The following TBCEL variants were observed in gnomAD, a reference collection of about 807,000 sequenced individuals.
TBCEL encodes tubulin-specific chaperone cofactor E-like protein.
In TBCEL, 15 loss-of-function variants were observed where a neutral mutation model predicts 44.2. That is an observed-to-expected ratio of 0.34 (90% confidence interval 0.23 to 0.52). The LOEUF is 0.52. Among genes scored for constraint, TBCEL ranks in the 20% least tolerant of loss-of-function variants. The pLI, the probability that TBCEL is intolerant of heterozygous loss-of-function variation, is 0.95. For synonymous variants in TBCEL, 171 were observed against 185.4 expected, an observed-to-expected ratio of 0.92 and a Z score of 0.63; for missense variants, 319 against 506.3, an observed-to-expected ratio of 0.63 and a Z score of 3.55.
intron 4 of TBCEL, among the ~76,000 whole-genome samples, chr11:121,051,260 A>G (rs935064476): frequency 7.9e-5 from 12 of 151,790 alleles, no homozygotes; most frequent in African/African-American, 2.9e-4. Flanking sequence ...TATATCTGCT[A>G]GCCTTGGGAA....
chr11:121,055,858 C>T (rs1945610404), intron 6 of TBCEL, among the ~76,000 whole-genome samples: 1 of 151,546 alleles, frequency 6.6e-6, no homozygotes, highest in Non-Finnish European at 1.5e-5. Context: ...TTTTCATATA[C>T]CCCTTGTTCC....
chr11:121,069,769 G>T (rs1945890756), intron 8 of TBCEL, among the ~76,000 whole-genome samples: 1 of 152,018 alleles, frequency 6.6e-6, no homozygotes. Context: ...TCCAGCCTGG[G>T]CGACAAAGCT....
At chr11:121,074,918 A>T (rs1434635484) in intron 8 of TBCEL, among the ~76,000 whole-genome samples, 1 of 151,924 alleles carries the variant, frequency 6.6e-6, no homozygotes, top group Non-Finnish European at 1.5e-5. Flanking sequence ...TGTACCCTTC[A>T]CCTAGTTTCC....
chr11:121,084,622 T>G (rs1194566550), intron 8 of TBCEL, among the ~76,000 whole-genome samples: 2 of 152,184 alleles, frequency 1.3e-5, no homozygotes, highest in Non-Finnish European at 2.9e-5. Context: ...ATTCTCTTTG[T>G]CCACTTTGAC....
In TBCEL at chr11:121,052,940, G is replaced by A. The variant is rs114320054; in HGVS notation, c.274-611G>A. On this transcript the variant is annotated intron_variant, in intron 4 of 8. Coordinates refer to ENST00000683345, the MANE Select transcript of TBCEL (RefSeq NM_001363644.2). ...TTTTTTCCTTTTTGTCTACCAAGTT[G>A]CTAGCTAAATCGTTGATAATCTTGT... Among the ~76,000 whole-genome samples, 638 of 151,746 alleles carry A rather than the reference G, an allele frequency of 4.2e-3. 5 individuals carry two copies. Among genetic ancestry groups the A allele is most frequent in the African/African-American group, 0.015 (601 of 41,448 alleles).
intron 8 of TBCEL, among the ~76,000 whole-genome samples, chr11:121,080,203 T>G (rs1017752793): frequency 2.0e-5 from 3 of 152,236 alleles, no homozygotes; most frequent in African/African-American, 7.2e-5. Context: ...TTGTTACATT[T>G]CTTAAAGAGA....
chr11:121,054,694 C>T (rs1392424695), intron 5 of TBCEL: 1 of 162,070 alleles, frequency 6.2e-6, no homozygotes. Flanking sequence ...TGGAAGTCCT[C>T]CCCTCCTTCA....
chr11:121,032,262 C>T (rs1216029443), intron 1 of TBCEL, among the ~76,000 whole-genome samples: 1 of 152,066 alleles, frequency 6.6e-6, no homozygotes, highest in Non-Finnish European at 1.5e-5. Flanking sequence ...TGTTTCTGGG[C>T]TCTGTTCTCT....
intron 4 of TBCEL, among the ~76,000 whole-genome samples, chr11:121,051,651 A>T (rs1307837966): frequency 1.3e-5 from 2 of 151,810 alleles, no homozygotes; most frequent in Non-Finnish European, 2.9e-5. Context: ...CGCAAAAGGG[A>T]TCAAGCAAGA....
intron 8 of TBCEL, among the ~76,000 whole-genome samples, chr11:121,082,178 C>T (rs1946137671): frequency 6.6e-6 from 1 of 152,210 alleles, no homozygotes; most frequent in Non-Finnish European, 1.5e-5. Flanking sequence ...TAATCACAGT[C>T]CTGTGGGACA....
intron 4 of TBCEL, among the ~76,000 whole-genome samples, chr11:121,050,973 C>G (rs535116282): frequency 6.6e-6 from 1 of 151,618 alleles, no homozygotes; most frequent in Non-Finnish European, 1.5e-5. Context: ...GCTTTTGGTA[C>G]TGGCAAGTTT....
chr11:121,026,064 C>A (rs919745072), intron 1 of TBCEL, among the ~76,000 whole-genome samples: 1 of 152,018 alleles, frequency 6.6e-6, no homozygotes, highest in Admixed American at 6.6e-5. Flanking sequence ...TAAAAACATC[C>A]CAAATTCTTC....
At chr11:121,076,648 T>C (rs150256980) in intron 8 of TBCEL, among the ~76,000 whole-genome samples, 4 of 152,128 alleles carry the variant, frequency 2.6e-5, no homozygotes, top group Non-Finnish European at 4.4e-5. Flanking sequence ...TTTTTACATT[T>C]TTGTTGTTTT....
At chr11:121,060,146 G>A (rs959335068) in intron 8 of TBCEL, 61 bp downstream of exon 8, 1 of 1,154,936 alleles carries the variant, frequency 8.7e-7, no homozygotes, top group Non-Finnish European at 1.3e-6. Flanking sequence ...AAGAACTCTA[G>A]TGTTAGAGCA....
In TBCEL at chr11:121,063,972, C is replaced by T. The variant is rs76207965; in HGVS notation, c.956+3887C>T. The stretch of plus-strand genomic sequence containing the variant: ...GTATATTACCCCTCTTGTATTTCTC[C>T]TTGACAGTCAAGATTACTTATCTTA... On this transcript the variant is annotated intron_variant, in intron 8 of 8. Coordinates refer to ENST00000683345, the MANE Select transcript of TBCEL (RefSeq NM_001363644.2). Among the ~76,000 whole-genome samples the T allele has an allele frequency of 7.3e-3, 1,105 of 152,284 alleles. 11 individuals are homozygous for T. Among genetic ancestry groups the T allele is most frequent in the Middle Eastern group, 0.037 (11 of 294 alleles).
At chr11:121,075,208 A>G (rs1270768532) in intron 8 of TBCEL, among the ~76,000 whole-genome samples, 1 of 152,046 alleles carries the variant, frequency 6.6e-6, no homozygotes, top group African/African-American at 2.4e-5. Context: ...ATACAGATCA[A>G]TGGAACAGAA....
At chr11:121,072,513 C>G (rs1945954163) in intron 8 of TBCEL, among the ~76,000 whole-genome samples, 1 of 151,896 alleles carries the variant, frequency 6.6e-6, no homozygotes. Flanking sequence ...ACTCTCAGTC[C>G]TATTTCTTAC....
chr11:121,047,409 A>T, intron 3 of TBCEL, 119 bp from the exon 4 acceptor site: 1 of 1,222,624 alleles, frequency 8.2e-7, no homozygotes, highest in Non-Finnish European at 1.2e-6. Context: ...TGTATTTTCT[A>T]GATCCTTATG....
intron 2 of TBCEL, among the ~76,000 whole-genome samples, chr11:121,044,333 G>A (rs1220424827): frequency 4.6e-5 from 7 of 151,646 alleles, no homozygotes; most frequent in South Asian, 2.1e-4. Flanking sequence ...AGTTTTTTCC[G>A]TTTCCTGTAG....
Sources: gnomAD v4.1 joint callset for allele counts (sites outside exome capture counted in the v4.1 genomes callset) on GRCh38, gnomAD v4.1.1 for gene constraint, MANE v1.5 for transcripts, NCBI Gene and HGNC (gene_info 2026-07-23, HGNC 2026-07-21) for gene names.